Variants in AMBRA1 observed in about 807,000 individuals in gnomAD.
AMBRA1 encodes the protein activating molecule in BECN1-regulated autophagy protein 1.
A neutral mutation model predicts 125.4 loss-of-function variants in AMBRA1; 47 were observed. That is an observed-to-expected ratio of 0.37 (90% CI 0.30 to 0.48). AMBRA1 has a LOEUF of 0.48. AMBRA1 is among the 20% of genes least tolerant of loss of function. AMBRA1 has a pLI of 0.99. For missense variants in AMBRA1, 1,331 were observed against 1,693.4 expected (o/e 0.79, Z 3.76); for synonymous variants, 626 against 655.5 (o/e 0.95, Z 0.69).
At chr11:46,418,242 T>C (rs907441339) in intron 14 of AMBRA1, among the ~76,000 whole-genome samples, 190 bp from the exon 15 acceptor site, 6 of 144,554 alleles carry the variant, frequency 4.2e-5, no homozygotes, top group Non-Finnish European at 9.1e-5. Context: ...TATAAATATA[T>C]ATAATATATA....
At chr11:46,426,604 T>C (rs905905451) in intron 14 of AMBRA1, among the ~76,000 whole-genome samples, 1 of 152,198 alleles carries the variant, frequency 6.6e-6, no homozygotes, top group African/African-American at 2.4e-5. Flanking sequence ...AATTTTTATC[T>C]TGCCCCCCTC....
chr11:46,413,619 T>C (rs1265655993), intron 15 of AMBRA1, among the ~76,000 whole-genome samples: 2 of 151,950 alleles, frequency 1.3e-5, no homozygotes, highest in Non-Finnish European at 2.9e-5. Context: ...GCCTCCCGAG[T>C]AGCTGGGATT....
intron 14 of AMBRA1, among the ~76,000 whole-genome samples, chr11:46,426,373 C>T (rs1194648548): frequency 3.3e-5 from 5 of 152,180 alleles, no homozygotes; most frequent in South Asian, 2.1e-4. Context: ...TGCACATGGA[C>T]GCACTACAGA....
intron 7 of AMBRA1, among the ~76,000 whole-genome samples, chr11:46,519,922 C>T (rs1951682970): frequency 6.6e-6 from 1 of 152,040 alleles, no homozygotes; most frequent in Non-Finnish European, 1.5e-5. Context: ...GGCGGATCAC[C>T]TGAGGTTGGG....
At chr11:46,559,407 A>G (rs922168660) in intron 1 of AMBRA1, among the ~76,000 whole-genome samples, 1 of 152,216 alleles carries the variant, frequency 6.6e-6, no homozygotes, top group African/African-American at 2.4e-5. Flanking sequence ...CGAGAGGGCC[A>G]GGCAAGAGAG....
intron 11 of AMBRA1, among the ~76,000 whole-genome samples, chr11:46,471,070 T>C (rs1949567151): frequency 6.6e-6 from 1 of 152,206 alleles, no homozygotes; most frequent in Non-Finnish European, 1.5e-5. Context: ...CCCTATCTAA[T>C]AGATGAGGAG....
chr11:46,527,278 G>C (rs1464244794), intron 7 of AMBRA1, among the ~76,000 whole-genome samples: 1 of 151,782 alleles, frequency 6.6e-6, no homozygotes, highest in African/African-American at 2.4e-5. Context: ...CCAGGAGTTC[G>C]AGACCAGCCT....
intron 11 of AMBRA1, among the ~76,000 whole-genome samples, chr11:46,493,379 G>GA (rs912726088): frequency 1.3e-5 from 2 of 150,188 alleles, no homozygotes; most frequent in East Asian, 1.9e-4. Context: ...TAATTTAAAA[G>GA]AAAAAAAAAG....
chr11:46,543,637 A>G (rs767067087), intron 6 of AMBRA1, among the ~76,000 whole-genome samples: 5 of 152,168 alleles, frequency 3.3e-5, no homozygotes, highest in Non-Finnish European at 7.4e-5. Flanking sequence ...TGACAAACCA[A>G]TTGTCTTACA....
At chr11:46,569,820 G>T (rs922132853) in intron 1 of AMBRA1, among the ~76,000 whole-genome samples, 12 of 152,032 alleles carry the variant, frequency 7.9e-5, no homozygotes, top group African/African-American at 2.9e-4. Context: ...AATTAGCCAG[G>T]TGTGTTGGTA....
chr11:46,586,358 A>G (rs898446967), intron 1 of AMBRA1, among the ~76,000 whole-genome samples: 1 of 152,198 alleles, frequency 6.6e-6, no homozygotes, highest in Non-Finnish European at 1.5e-5. Context: ...GCAATGAGCC[A>G]AGATTGTGCC....
Position 46,560,875 on chromosome 11 carries a change from T to C in AMBRA1, c.-120-12375A>G, listed in dbSNP as rs557193286. ...ACAGCTTAACCCCAGAAACGGAAAC[T>C]GAAACCAGCTGCCTCAAACAGACCT... On this transcript the variant is annotated intron_variant, in intron 1 of 17. Transcript: ENST00000683756. Among the ~76,000 whole-genome samples, 6 of 152,290 alleles carry C rather than the reference T, an allele frequency of 3.9e-5. No individual in the cohort carries two copies. The Middle Eastern group carries it at 0.014, about 345-fold the overall frequency.
At chr11:46,558,005 G>C (rs2043209478) in intron 1 of AMBRA1, among the ~76,000 whole-genome samples, 1 of 152,068 alleles carries the variant, frequency 6.6e-6, no homozygotes, top group Admixed American at 6.5e-5. Flanking sequence ...TGGAGAGAGA[G>C]AAGCCACGTG....
chr11:46,434,130 A>G (rs1947593647), intron 13 of AMBRA1, among the ~76,000 whole-genome samples: 1 of 151,620 alleles, frequency 6.6e-6, no homozygotes, highest in Non-Finnish European at 1.5e-5. Context: ...AAAAAAAAAA[A>G]AAAAAAAGAA....
At chr11:46,471,440 T>C (rs1379630569) in intron 11 of AMBRA1, among the ~76,000 whole-genome samples, 1 of 151,540 alleles carries the variant, frequency 6.6e-6, no homozygotes, top group East Asian at 2.0e-4. Context: ...TAGCTGGGCA[T>C]GGTGGCGGGC....
chr11:46,575,804 C>T (rs530228870), intron 1 of AMBRA1, among the ~76,000 whole-genome samples: 1 of 152,256 alleles, frequency 6.6e-6, no homozygotes, highest in Admixed American at 6.5e-5. Flanking sequence ...CGTGAGCCTC[C>T]GTGCCCAGCC....
At chr11:46,483,548 G>A (rs1445053807) in intron 11 of AMBRA1, among the ~76,000 whole-genome samples, 1 of 152,216 alleles carries the variant, frequency 6.6e-6, no homozygotes, top group East Asian at 1.9e-4. Flanking sequence ...AAACGAGGCT[G>A]CTTGGAGATA....
chr11:46,571,164 T>C (rs1346777625), intron 1 of AMBRA1, among the ~76,000 whole-genome samples: 2 of 152,230 alleles, frequency 1.3e-5, no homozygotes, highest in Non-Finnish European at 2.9e-5. Flanking sequence ...ATACCAATTC[T>C]TATGCCTGGG....
chr11:46,469,710 G>A (rs932392148), intron 11 of AMBRA1, among the ~76,000 whole-genome samples: 1 of 151,912 alleles, frequency 6.6e-6, no homozygotes, highest in Admixed American at 6.6e-5. Context: ...GTTGCCCCAG[G>A]GTGGAGTGCA....
Sources: gnomAD v4.1 joint callset for allele counts (sites outside exome capture counted in the v4.1 genomes callset) on GRCh38, gnomAD v4.1.1 for gene constraint, MANE v1.5 for transcripts, NCBI Gene and HGNC (gene_info 2026-07-23, HGNC 2026-07-21) for gene names.